Variants in RSPO3 observed in about 807,000 individuals in gnomAD.
The protein encoded by RSPO3 is R-spondin-3.
RSPO3 carries 17 observed loss-of-function variants against 36.5 expected under a neutral mutation model. That is an observed-to-expected ratio of 0.47 (90% CI 0.32 to 0.70). RSPO3 has a LOEUF of 0.70. RSPO3 is among the 30% of genes least tolerant of loss of function. The probability of loss-of-function intolerance (pLI) is 0.04; values close to 1 mark genes in which losing one functional copy is unlikely to be tolerated. For missense variants in RSPO3, 294 were observed against 322.5 expected (o/e 0.91, Z 0.68); for synonymous variants, 108 against 107.0 (o/e 1.01, Z -0.06).
chr6:127,190,298 C>G (rs557229510), intron 4 of RSPO3, among the ~76,000 whole-genome samples: 1 of 151,936 alleles, frequency 6.6e-6, no homozygotes, highest in Non-Finnish European at 1.5e-5. Flanking sequence ...CACGGTGGCA[C>G]GCACCTGTAC....
Position 127,197,172 on chromosome 6 carries a change from C to G in RSPO3, c.*1165C>G. On this transcript the variant is annotated 3_prime_UTR_variant, in exon 5 of 5. Coordinates refer to ENST00000356698, the MANE Select transcript of RSPO3 (RefSeq NM_032784.5). ...GTAATTCAGAATATATTACATTTCT[C>G]AGTAATATTTGTTTTTTGAATCCAC... is the stretch of plus-strand genomic sequence containing the variant. 1 of 401,518 alleles carries G rather than the reference C, an allele frequency of 2.5e-6. No individual in the cohort carries two copies. The highest frequency in any genetic ancestry group is 4.2e-5 in the South Asian group (1 of 24,036). The allele number at this position is 401,518 out of a possible 1,614,324, so 24.9% of individuals were successfully genotyped here.
At chr6:127,142,699 A>G (rs762717949) in intron 1 of RSPO3, among the ~76,000 whole-genome samples, 3 of 152,230 alleles carry the variant, frequency 2.0e-5, no homozygotes, top group Non-Finnish European at 4.4e-5. Context: ...TTTGCCAGAT[A>G]TTCATAGGCA....
intron 1 of RSPO3, among the ~76,000 whole-genome samples, chr6:127,124,563 T>C (rs916396073): frequency 1.0e-4 from 4 of 38,976 alleles, no homozygotes; most frequent in Non-Finnish European, 2.2e-4. Flanking sequence ...AATTGCACAG[T>C]TTTTTTTTTT....
intron 1 of RSPO3, among the ~76,000 whole-genome samples, chr6:127,137,872 A>C (rs1477011293): frequency 6.6e-6 from 1 of 152,206 alleles, no homozygotes; most frequent in South Asian, 2.1e-4. Flanking sequence ...TTAGAATATT[A>C]AAGTATTATC....
At chr6:127,139,663 CCACTGTTGGATGAA>C (rs1774230569) in intron 1 of RSPO3, among the ~76,000 whole-genome samples, 1 of 151,856 alleles carries the variant, frequency 6.6e-6, no homozygotes, top group Non-Finnish European at 1.5e-5. Flanking sequence ...ATAATGATTC[CCACTGTTGGATGAA>C]CACTGTTGGA....
chr6:127,168,358 G>T (rs1774864125), intron 4 of RSPO3, among the ~76,000 whole-genome samples: 1 of 120,098 alleles, frequency 8.3e-6, no homozygotes, highest in African/African-American at 2.8e-5. Context: ...GGCCAGTGAT[G>T]ATGAGCATTT....
In RSPO3 at chr6:127,144,643, G is replaced by GTTTTTTTTTTGTTTTTTTTT. The variant is rs1554220624; in HGVS notation, c.98-3995_98-3994insGTTTTTTTTTTTTTTTTTTT. On this transcript the variant is annotated intron_variant, in intron 1 of 4. Transcript: ENST00000356698. ...TGTAATTTTTCAGTAGCTTCCCCTT[G>GTTTTTTTTTTGTTTTTTTTT]TTTTTTTTTTTTTCAGACAGAGTCT... Among the ~76,000 whole-genome samples, 3 of 99,122 alleles carry GTTTTTTTTTTGTTTTTTTTT rather than the reference G, an allele frequency of 3.0e-5. 1 individual carries two copies. Among genetic ancestry groups the GTTTTTTTTTTGTTTTTTTTT allele is most frequent in the African/African-American group, 1.2e-4 (3 of 24,106 alleles). The allele number at this position is 99,122 out of a possible 152,430, so 65.0% of individuals were successfully genotyped here.
chr6:127,119,470 C>G (rs541302573), intron 1 of RSPO3, among the ~76,000 whole-genome samples, 181 bp downstream of exon 1: 1 of 152,344 alleles, frequency 6.6e-6, no homozygotes, highest in East Asian at 1.9e-4. Context: ...TCTCGGCGCC[C>G]CTGCCTTCCG....
intron 4 of RSPO3, among the ~76,000 whole-genome samples, chr6:127,157,258 C>T (rs541881594): frequency 6.6e-6 from 1 of 152,068 alleles, no homozygotes. Flanking sequence ...GGTCTTTGCT[C>T]ATATCATTCT....
intron 3 of RSPO3, among the ~76,000 whole-genome samples, chr6:127,152,345 A>G (rs1017515624): frequency 6.6e-6 from 1 of 152,116 alleles, no homozygotes; most frequent in Non-Finnish European, 1.5e-5. Flanking sequence ...GATGTCTCCC[A>G]TCATATGGCG....
intron 4 of RSPO3, among the ~76,000 whole-genome samples, chr6:127,160,360 GAA>G (rs1774686791): frequency 1.3e-5 from 2 of 152,294 alleles, no homozygotes; most frequent in Admixed American, 6.5e-5. Context: ...CCAATGCAGT[GAA>G]GAGGACCCTG....
chr6:127,166,016 C>T (rs1774814325), intron 4 of RSPO3, among the ~76,000 whole-genome samples: 1 of 151,914 alleles, frequency 6.6e-6, no homozygotes, highest in Admixed American at 6.6e-5. Context: ...GTATATTCTT[C>T]CACATTAATC....
intron 1 of RSPO3, among the ~76,000 whole-genome samples, chr6:127,127,406 G>C (rs1773959300): frequency 6.6e-6 from 1 of 152,046 alleles, no homozygotes; most frequent in South Asian, 2.1e-4. Flanking sequence ...GTGCTACATG[G>C]CAAACAACAG....
chr6:127,155,481 A>T lies in RSPO3; in HGVS notation c.634+43A>T, dbSNP rs774283561. ...AAATGTGCTTGTTTGAATCCTCATA[A>T]TCTGTTGCATTTTTCATTTTATTTC... On this transcript the variant is annotated intron_variant, in intron 4 of 4. Transcript: ENST00000356698. 18 of 1,546,858 alleles carry T rather than the reference A, an allele frequency of 1.2e-5. No individual in the cohort carries two copies. The South Asian group carries it at 2.1e-4, about 18-fold the overall frequency.
At chr6:127,144,017 T>G (rs1774330381) in intron 1 of RSPO3, among the ~76,000 whole-genome samples, 2 of 152,198 alleles carry the variant, frequency 1.3e-5, no homozygotes, top group Admixed American at 1.3e-4. Flanking sequence ...TTAAAGGTTA[T>G]CAAATAGTAG....
At chr6:127,193,761 C>A (rs886736699) in intron 4 of RSPO3, among the ~76,000 whole-genome samples, 1 of 152,134 alleles carries the variant, frequency 6.6e-6, no homozygotes, top group African/African-American at 2.4e-5. Flanking sequence ...CAAGTCAGCA[C>A]ATCAAATGTG....
At chr6:127,188,764 G>A (rs528242932) in intron 4 of RSPO3, among the ~76,000 whole-genome samples, 1 of 152,138 alleles carries the variant, frequency 6.6e-6, no homozygotes, top group East Asian at 1.9e-4. Flanking sequence ...CTGATAAGCA[G>A]CTTTTCCTTG....
At chr6:127,149,856 G>A (rs1774455106) in intron 2 of RSPO3, among the ~76,000 whole-genome samples, 1 of 151,958 alleles carries the variant, frequency 6.6e-6, no homozygotes, top group Admixed American at 6.6e-5. Flanking sequence ...ATATTGTAAA[G>A]CATTATAGCA....
At chr6:127,188,780 C>A (rs1775348903) in intron 4 of RSPO3, among the ~76,000 whole-genome samples, 1 of 152,074 alleles carries the variant, frequency 6.6e-6, no homozygotes, top group Non-Finnish European at 1.5e-5. Context: ...CCTTGCCCAG[C>A]AAATTCAAAT....
Sources: allele counts gnomAD v4.1 joint callset (sites outside exome capture counted in the v4.1 genomes callset), GRCh38; gene constraint gnomAD v4.1.1; transcripts MANE v1.5; gene names NCBI Gene and HGNC (gene_info 2026-07-23, HGNC 2026-07-21).